The following INTS6 variants were observed in gnomAD, a reference collection of about 807,000 sequenced individuals.
The protein encoded by INTS6 is DEAD box protein.
Under a neutral mutation model 104.9 loss-of-function variants are expected in INTS6, and 16 were observed. The ratio of observed to expected loss-of-function variants is 0.15; its 90% CI spans 0.10 to 0.23. The LOEUF (loss-of-function observed/expected upper bound fraction) is 0.23, where lower values mean the gene tolerates loss of function less well. INTS6 is among the 10% of genes least tolerant of loss of function. The pLI, the probability that INTS6 is intolerant of heterozygous loss-of-function variation, is 1.00. For synonymous variants in INTS6, 324 were observed against 358.7 expected, an observed-to-expected ratio of 0.90 and a Z score of 1.09; for missense variants, 584 against 1,062.8, an observed-to-expected ratio of 0.55 and a Z score of 6.26.
At position 51,361,586 on chromosome 13, in the gene INTS6, A is replaced by G. The variant is rs1348935741; in HGVS notation, c.*4166T>C. 26 of 584,874 alleles carry G rather than the reference A, an allele frequency of 4.4e-5. No individual in the cohort carries two copies. In the East Asian group the frequency reaches 5.9e-4, roughly 13 times the overall value. The allele number at this position is 584,874 out of a possible 1,614,324, so 36.2% of individuals were successfully genotyped here. On this transcript the variant is annotated 3_prime_UTR_variant, in exon 18 of 18. Transcript: ENST00000311234. ...AAAATAATTCTGAAAGTTACCTTCAATAAGGAATTTATTCCATGGAATGTG... is the reference window on the plus strand; with the variant it reads ...AAAATAATTCTGAAAGTTACCTTCAGTAAGGAATTTATTCCATGGAATGTG...
At chr13:51,426,805 A>C (rs982750899) in intron 4 of INTS6, among the ~76,000 whole-genome samples, 3 of 152,136 alleles carry the variant, frequency 2.0e-5, no homozygotes, top group African/African-American at 7.2e-5. Flanking sequence ...GATAAATAGA[A>C]GGTAAATTTT....
intron 5 of INTS6, 67 bp downstream of exon 5, chr13:51,395,233 T>C: frequency 7.0e-7 from 1 of 1,435,808 alleles, no homozygotes; most frequent in Non-Finnish European, 9.4e-7. Flanking sequence ...CTTTTGAATG[T>C]ACACTTTTAA....
downstream of INTS6, among the ~76,000 whole-genome samples, chr13:51,352,599 T>C (rs185011169): frequency 4.1e-3 from 630 of 152,136 alleles, 3 homozygotes; most frequent in African/African-American, 0.014. Context: ...CATTTAATTG[T>C]CCTACTCGCC....
chr13:51,452,709 C>A lies in INTS6; in HGVS notation c.-184G>T, dbSNP rs1056637263. ...CTCCCCCGATAGTTGAGAGGAAACT[C>A]CCCAGACCCAGTGCTCCCCGTCGTA... is the stretch of plus-strand genomic sequence containing the variant. On this transcript the variant is annotated 5_prime_UTR_variant, in exon 1 of 18. Coordinates refer to ENST00000311234, the MANE Select transcript of INTS6 (RefSeq NM_012141.3). The surrounding 1 kb of genome is among the most constrained non-coding windows in gnomAD (Gnocchi z 4.2). The A allele has an allele frequency of 3.8e-6, 5 of 1,325,102 alleles. No individual in the cohort carries two copies. The highest frequency in any genetic ancestry group is 4.8e-6 in the Non-Finnish European group (5 of 1,036,760). The allele number at this position is 1,325,102 out of a possible 1,614,324, so 82.1% of individuals were successfully genotyped here.
intron 3 of INTS6, chr13:51,447,165 G>C (rs962060123): frequency 2.0e-5 from 3 of 152,070 alleles, no homozygotes; most frequent in African/African-American, 7.2e-5. Flanking sequence ...ACTTTCATTT[G>C]AAAAGATGTC....
chr13:51,384,885 A>G (rs984360686), intron 7 of INTS6: 8 of 349,370 alleles, frequency 2.3e-5, no homozygotes, highest in South Asian at 1.8e-4. Flanking sequence ...AGACTAGTAC[A>G]AATGCTTTTT....
chr13:51,347,692 C>CG, the INTS6 span, among the ~76,000 whole-genome samples: 1 of 152,132 alleles, frequency 6.6e-6, no homozygotes, highest in Non-Finnish European at 1.5e-5. Flanking sequence ...TTAAACTGCA[C>CG]GCCCTTCTGA....
At chr13:51,373,007 T>C (rs1955840862) in intron 15 of INTS6, among the ~76,000 whole-genome samples, 1 of 152,198 alleles carries the variant, frequency 6.6e-6, no homozygotes, top group Non-Finnish European at 1.5e-5. Flanking sequence ...TACATTTGAA[T>C]CTGTAAAATC....
chr13:51,452,720 G>C lies in INTS6; in HGVS notation c.-195C>G. 1 of 1,286,462 alleles carries C rather than the reference G, an allele frequency of 7.8e-7. No individual in the cohort carries two copies. Among genetic ancestry groups the C allele is most frequent in the Non-Finnish European group, 9.8e-7 (1 of 1,015,244 alleles). 79.7% of individuals were successfully genotyped at this position (1,286,462 alleles called of 1,614,324 possible). A position where few individuals can be genotyped will look rare whatever the true frequency, so the allele number is the denominator to read the frequency against. ...GTTGAGAGGAAACTCCCCAGACCCA[G>C]TGCTCCCCGTCGTACCCCCGCCTCC... On this transcript the variant is annotated 5_prime_UTR_variant, in exon 1 of 18. Transcript: ENST00000311234. The surrounding 1 kb of genome is among the most constrained non-coding windows in gnomAD (Gnocchi z 4.2).
At chr13:51,449,623 A>T in intron 3 of INTS6, 2 of 985,400 alleles carry the variant, frequency 2.0e-6, no homozygotes, top group Non-Finnish European at 2.4e-6. Flanking sequence ...AAGGTAACCA[A>T]ATAATGGCAA....
In INTS6 at chr13:51,382,010, T is replaced by C. The variant is rs1432426720; in HGVS notation, c.1275+19A>G. On this transcript the variant is annotated intron_variant, in intron 10 of 17. Coordinates refer to ENST00000311234, the MANE Select transcript of INTS6 (RefSeq NM_012141.3). ...GTCACTGCGCCCGGCCAACAAGTTC[T>C]TTTAAATAATATTCTTACCCCAAGA... 6.4e-7 allele frequency: 1 copy of C among 1,566,736 alleles called. No individual in the cohort carries two copies. The highest frequency in any genetic ancestry group is 8.8e-7 in the Non-Finnish European group (1 of 1,142,238).
chr13:51,348,910 T>G, the INTS6 span, among the ~76,000 whole-genome samples: 1 of 152,252 alleles, frequency 6.6e-6, no homozygotes, highest in African/African-American at 2.4e-5. Context: ...ACACTTTAAG[T>G]CTCTGTGCAG....
Position 51,367,886 on chromosome 13 carries a change from A to G in INTS6, c.2489T>C (p.Ile830Thr). The G allele has an allele frequency of 1.3e-6, 2 of 1,558,172 alleles. No homozygotes were observed. Among genetic ancestry groups the G allele is most frequent in the Non-Finnish European group, 8.7e-7 (1 of 1,153,984 alleles). Residue 830 changes from isoleucine to threonine, a missense_variant, in exon 17 of 18, where the codon ATC becomes ACC. This residue lies in a region of INTS6 where 296 missense variants were observed against 437.0 expected (regional missense o/e 0.68). Transcript: ENST00000311234. ...TTGCACATGCTTCAGTAAAGTGAAGATTCTTTCATATTCTTAAAGCAAAAG... is the reference window on the plus strand; with the variant it reads ...TTGCACATGCTTCAGTAAAGTGAAGGTTCTTTCATATTCTTAAAGCAAAAG... ...IRKPGRKYER[I>T]FTLLKHVQGS... is the part of the protein sequence containing the mutation.
In INTS6 at chr13:51,403,605, G is replaced by GAAAAAAAAAAGA. The variant is rs1555287296; in HGVS notation, c.430-8123_430-8122insTCTTTTTTTTTT. 2.2e-3 allele frequency among the ~76,000 whole-genome samples: 240 copies of GAAAAAAAAAAGA among 111,200 alleles called. 2 individuals are homozygous for GAAAAAAAAAAGA. The highest frequency in any genetic ancestry group is 0.014 in the South Asian group (48 of 3,432). The allele number at this position is 111,200 out of a possible 152,430, so 73.0% of individuals were successfully genotyped here. On this transcript the variant is annotated intron_variant, in intron 4 of 17. Coordinates refer to ENST00000311234, the MANE Select transcript of INTS6 (RefSeq NM_012141.3). ...TCAAAAAAAAAAAAGAAAAAAAAAA[G>GAAAAAAAAAAGA]AAAAAAAAAAAAAGAAAAAGATTTC...
chr13:51,452,759 T>G lies in INTS6; in HGVS notation c.-234A>C. On this transcript the variant is annotated 5_prime_UTR_variant, in exon 1 of 18. Coordinates refer to ENST00000311234, the MANE Select transcript of INTS6 (RefSeq NM_012141.3). This position sits in a 1 kb window ranked among gnomAD's most constrained non-coding sequence, Gnocchi z 4.2. ...ACCCCCGCCTCCGCCTCCTCCTGCC[T>G]GCCTGCCCGCTGGGGCGGGCGCCCA... 8.1e-7 allele frequency: 1 copy of G among 1,228,378 alleles called. No individual in the cohort carries two copies. Among genetic ancestry groups the G allele is most frequent in the South Asian group, 1.8e-5 (1 of 55,508 alleles). The allele number at this position is 1,228,378 out of a possible 1,614,324, so 76.1% of individuals were successfully genotyped here. A position where few individuals can be genotyped will look rare whatever the true frequency, so the allele number is the denominator to read the frequency against.
At chr13:51,398,126 T>C (rs1049313100) in intron 4 of INTS6, among the ~76,000 whole-genome samples, 1 of 152,116 alleles carries the variant, frequency 6.6e-6, no homozygotes, top group East Asian at 1.9e-4. Flanking sequence ...ATAGTTTAAA[T>C]GAATTAGTAA....
At chr13:51,335,561 C>T in the INTS6 span, among the ~76,000 whole-genome samples, 5 of 152,158 alleles carry the variant, frequency 3.3e-5, no homozygotes, top group East Asian at 3.9e-4. Flanking sequence ...TGTGGAGCTA[C>T]GTAGTAAATT....
At chr13:51,387,578 A>G (rs762977873) in intron 6 of INTS6, 38 bp from the exon 7 acceptor site, 2 of 1,460,746 alleles carry the variant, frequency 1.4e-6, no homozygotes, top group South Asian at 1.4e-5. Context: ...AGCATATATC[A>G]TAAGGGGGGA....
At chr13:51,349,384 T>C (rs1955383672), downstream of INTS6, among the ~76,000 whole-genome samples, 1 of 152,190 alleles carries the variant, frequency 6.6e-6, no homozygotes, top group African/African-American at 2.4e-5. Flanking sequence ...TAAGGTAAAG[T>C]GTATCTCTCA....
Sources: allele counts gnomAD v4.1 joint callset (sites outside exome capture counted in the v4.1 genomes callset), GRCh38; gene constraint gnomAD v4.1.1; regional missense constraint gnomAD v4.1.1; non-coding constraint Gnocchi (gnomAD v3.1); transcripts MANE v1.5; gene names NCBI Gene and HGNC (gene_info 2026-07-23, HGNC 2026-07-21).